SRP72: variants seen among roughly 807,000 people sequenced by gnomAD.
SRP72 encodes signal recognition particle subunit SRP72.
SRP72 carries 49 observed loss-of-function variants against 96.3 expected under a neutral mutation model. The observed-to-expected ratio is 0.51, with a 90% confidence interval of 0.40 to 0.65. The LOEUF is 0.65. Ranked by LOEUF, SRP72 falls within the 30% of genes least tolerant of loss-of-function variation. The pLI, the probability that SRP72 is intolerant of heterozygous loss-of-function variation, is 0.00. For synonymous variants in SRP72, 267 were observed against 275.2 expected (o/e 0.97, Z 0.30); for missense variants, 736 against 793.3 (o/e 0.93, Z 0.87).
At chr4:56,480,426 A>AT (rs1369028104) in intron 8 of SRP72, among the ~76,000 whole-genome samples, 1 of 151,826 alleles carries the variant, frequency 6.6e-6, no homozygotes, top group African/African-American at 2.4e-5. Context: ...CACCCGGCTA[A>AT]TTTTTGTATT....
At chr4:56,480,608 A>C (rs73167378) in intron 8 of SRP72, among the ~76,000 whole-genome samples, 3,989 of 152,274 alleles carry the variant, frequency 0.026, 147 homozygotes, top group East Asian at 0.19. Context: ...GGAAGAGAGC[A>C]TGTGAGATAC....
At chr4:56,470,729 A>G (rs1719939994) in intron 2 of SRP72, among the ~76,000 whole-genome samples, 1 of 152,078 alleles carries the variant, frequency 6.6e-6, no homozygotes, top group South Asian at 2.1e-4. Context: ...CTTTTCTCCT[A>G]TTAAATATGT....
chr4:56,472,034 A>G (rs796790416), intron 3 of SRP72, among the ~76,000 whole-genome samples, 191 bp downstream of exon 3: 9 of 152,330 alleles, frequency 5.9e-5, no homozygotes, highest in Non-Finnish European at 1.0e-4. Flanking sequence ...ATAATGTGCT[A>G]TGAACAAATG....
rs1316257400 is a variant in SRP72, at chr4:56,501,926, G to A, written c.*65G>A. ...CAGTGACACTAGGAATATAATAAAG[G>A]TAACACAGCAAGAAGCACAGAACTA... On this transcript the variant is annotated 3_prime_UTR_variant, in exon 19 of 19. Coordinates refer to ENST00000642900, the MANE Select transcript of SRP72 (RefSeq NM_006947.4). 1.4e-5 allele frequency: 21 copies of A among 1,531,932 alleles called. No individual in the cohort carries two copies. The highest frequency in any genetic ancestry group is 1.9e-5 in the Non-Finnish European group (21 of 1,109,088). 94.9% of individuals were successfully genotyped at this position (1,531,932 alleles called of 1,614,324 possible).
At chr4:56,499,572 C>T (rs1178537062) in intron 17 of SRP72, among the ~76,000 whole-genome samples, 1 of 152,152 alleles carries the variant, frequency 6.6e-6, no homozygotes, top group African/African-American at 2.4e-5. Flanking sequence ...TGAACAGACA[C>T]TTCTCAAAAC....
At chr4:56,493,832 C>T (rs1435395661) in intron 16 of SRP72, among the ~76,000 whole-genome samples, 1 of 152,156 alleles carries the variant, frequency 6.6e-6, no homozygotes, top group Non-Finnish European at 1.5e-5. Flanking sequence ...CACCACTGCA[C>T]TCCAGCCTGG....
At chr4:56,496,386 A>G (rs926145308) in intron 17 of SRP72, among the ~76,000 whole-genome samples, 1 of 152,158 alleles carries the variant, frequency 6.6e-6, no homozygotes, top group African/African-American at 2.4e-5. Flanking sequence ...GAGTTTGAGG[A>G]AGGTACACAA....
chr4:56,482,902 G>T (rs747246041), intron 8 of SRP72, among the ~76,000 whole-genome samples: 1 of 152,186 alleles, frequency 6.6e-6, no homozygotes, highest in Admixed American at 6.5e-5. Context: ...AGGAGTGGGG[G>T]TAGATTCTGG....
chr4:56,500,796 T>C (rs1273602977), intron 18 of SRP72, 101 bp downstream of exon 18: 1 of 1,165,894 alleles, frequency 8.6e-7, no homozygotes, highest in East Asian at 2.6e-5. Flanking sequence ...GTATGAGAAA[T>C]GTGATGTATC....
intron 16 of SRP72, among the ~76,000 whole-genome samples, chr4:56,492,535 C>T (rs6811482): frequency 0.33 from 49,895 of 151,954 alleles, 8,516 homozygotes; most frequent in East Asian, 0.47. Flanking sequence ...TTTGCTACTT[C>T]CTCCTTTTTT....
Position 56,471,766 on chromosome 4 carries a change from A to G in SRP72, c.277A>G (p.Arg93Gly). The change falls in exon 3 of 19, where the codon AGA (arginine) becomes GGA (glycine). Residue 93 changes from arginine to glycine, a missense_variant. Coordinates refer to ENST00000642900, the MANE Select transcript of SRP72 (RefSeq NM_006947.4). ...EKAYCEYRLN[R>G]IENALKTIES... ...GGCATATTGCGAGTACAGGCTGAAC[A>G]GAATTGAGAATGCCTTGAAGACAAT... The G allele has an allele frequency of 1.2e-6, 2 of 1,614,132 alleles. No homozygotes were observed. The highest frequency in any genetic ancestry group is 1.7e-6 in the Non-Finnish European group (2 of 1,180,020).
rs775895614 is a variant in SRP72, at chr4:56,469,610, G to A, written c.110-43G>A. On this transcript the variant is annotated intron_variant, in intron 1 of 18. Coordinates refer to ENST00000642900, the MANE Select transcript of SRP72 (RefSeq NM_006947.4). ...GGAAAATTTAGTAAAAATGTGAAAA[G>A]GAAATGGATTTAAAAATGACTTTTC... is the stretch of plus-strand genomic sequence containing the variant. 8.7e-6 allele frequency: 13 copies of A among 1,502,574 alleles called. No individual in the cohort carries two copies. In the South Asian group the frequency reaches 1.8e-4, roughly 20 times the overall value. The allele number at this position is 1,502,574 out of a possible 1,614,324, so 93.1% of individuals were successfully genotyped here.
In SRP72 at chr4:56,486,317, A is replaced by C; in HGVS notation, c.1087-8A>C. 6.3e-7 allele frequency: 1 copy of C among 1,594,406 alleles called. No individual in the cohort carries two copies. The highest frequency in any genetic ancestry group is 8.6e-7 in the Non-Finnish European group (1 of 1,168,266). Reference sequence around the variant, plus strand: ...GTGATTTTTTTCCCCCAAACTAAAAAAATTTAGGAATTTTCAGATCAGCAT... The same window carrying C: ...GTGATTTTTTTCCCCCAAACTAAAACAATTTAGGAATTTTCAGATCAGCAT... On this transcript the variant is annotated splice_region_variant and splice_polypyrimidine_tract_variant and intron_variant, in intron 10 of 18. Transcript: ENST00000642900.
Position 56,491,575 on chromosome 4 carries a change from T to G in SRP72, c.1640+7T>G, listed in dbSNP as rs200789048. On this transcript the variant is annotated splice_region_variant and intron_variant, in intron 16 of 18. Coordinates refer to ENST00000642900, the MANE Select transcript of SRP72 (RefSeq NM_006947.4). ...GTCAACCAAAGGAACAAGGGTAATA[T>G]TTTTCATTGTAACGTTCTCTAATGC... The G allele has an allele frequency of 5.4e-5, 87 of 1,610,442 alleles. No individual in the cohort carries two copies. The highest frequency in any genetic ancestry group is 3.0e-4 in the Admixed American group (18 of 59,790).
chr4:56,475,768 TG>T (rs1037873117), intron 5 of SRP72: 3 of 152,204 alleles, frequency 2.0e-5, no homozygotes, highest in African/African-American at 7.2e-5. Context: ...TTTGGTGATG[TG>T]TAGCAGATTT....
chr4:56,489,381 T>G lies in SRP72; in HGVS notation c.1225-7T>G, dbSNP rs1237007596. 6.5e-7 allele frequency: 1 copy of G among 1,544,166 alleles called. No homozygotes were observed. The highest frequency in any genetic ancestry group is 2.3e-5 in the East Asian group (1 of 44,054). ...GAGTTCACTAATTTATACCTTTGGCTGTGTAGGTATCTGCATTAGTTACCA... is the reference window on the plus strand; with the variant it reads ...GAGTTCACTAATTTATACCTTTGGCGGTGTAGGTATCTGCATTAGTTACCA... On this transcript the variant is annotated splice_region_variant and splice_polypyrimidine_tract_variant and intron_variant, in intron 12 of 18. Coordinates refer to ENST00000642900, the MANE Select transcript of SRP72 (RefSeq NM_006947.4).
chr4:56,475,927 A>G (rs758527952), intron 5 of SRP72: 5 of 152,268 alleles, frequency 3.3e-5, no homozygotes, highest in Admixed American at 3.3e-4. Flanking sequence ...GTTCTGTACT[A>G]TTAAAGGATT....
chr4:56,468,110 T>G (rs894916683), intron 1 of SRP72, among the ~76,000 whole-genome samples: 3 of 152,244 alleles, frequency 2.0e-5, no homozygotes, highest in Non-Finnish European at 4.4e-5. Context: ...CCTTTTCTTC[T>G]TCGTCTTGAG....
intron 16 of SRP72, among the ~76,000 whole-genome samples, chr4:56,494,380 T>C (rs1186890289): frequency 6.6e-6 from 1 of 151,700 alleles, no homozygotes; most frequent in East Asian, 1.9e-4. Context: ...TTTATGTTTT[T>C]CTCTTTTCAC....
Sources: allele counts gnomAD v4.1 joint callset (sites outside exome capture counted in the v4.1 genomes callset), GRCh38; gene constraint gnomAD v4.1.1; transcripts MANE v1.5; gene names NCBI Gene and HGNC (gene_info 2026-07-23, HGNC 2026-07-21).